CWF19L2: variants seen among roughly 807,000 people sequenced by gnomAD.
CWF19L2 encodes the protein CWF19 like cell cycle control factor 2, also known as CWF19-like protein 2.
In CWF19L2, 98 loss-of-function variants were observed where a neutral mutation model predicts 111.7. The observed-to-expected ratio is 0.88, with a 90% CI of 0.75 to 1.04. The LOEUF (loss-of-function observed/expected upper bound fraction) is 1.04, where lower values mean the gene tolerates loss of function less well. Among genes scored for constraint, CWF19L2 ranks in the 50% least tolerant of loss-of-function variants. The pLI, the probability that CWF19L2 is intolerant of heterozygous loss-of-function variation, is 0.00. For missense variants in CWF19L2, 1,101 were observed against 1,051.4 expected (o/e 1.05, Z -0.65); for synonymous variants, 351 against 342.9 (o/e 1.02, Z -0.26).
chr11:107,423,451 T>G (rs1861329688), intron 8 of CWF19L2, among the ~76,000 whole-genome samples: 1 of 151,968 alleles, frequency 6.6e-6, no homozygotes, highest in Admixed American at 6.6e-5. Flanking sequence ...CCCTATGAAG[T>G]CGCTTTCTCC....
chr11:107,329,712 T>G (rs1478671466), intron 17 of CWF19L2, among the ~76,000 whole-genome samples: 1 of 152,158 alleles, frequency 6.6e-6, no homozygotes, highest in Non-Finnish European at 1.5e-5. Context: ...CAAGAAATGT[T>G]TGGTTCCAAA....
intron 12 of CWF19L2, among the ~76,000 whole-genome samples, chr11:107,385,189 G>T (rs898882108): frequency 2.4e-4 from 37 of 151,868 alleles, no homozygotes; most frequent in African/African-American, 8.7e-4. Context: ...TAATTATCAG[G>T]CAGGATGAAC....
chr11:107,451,995 T>A (rs939477885), intron 3 of CWF19L2, among the ~76,000 whole-genome samples: 2 of 152,176 alleles, frequency 1.3e-5, no homozygotes, highest in Non-Finnish European at 2.9e-5. Context: ...AAAACCTGAA[T>A]GCTTTGCACC....
At chr11:107,361,282 C>T (rs1860330441) in intron 12 of CWF19L2, among the ~76,000 whole-genome samples, 1 of 152,170 alleles carries the variant, frequency 6.6e-6, no homozygotes, top group African/African-American at 2.4e-5. Flanking sequence ...GGCTTTATTT[C>T]AATATTTCCT....
intron 12 of CWF19L2, among the ~76,000 whole-genome samples, chr11:107,362,105 G>A (rs1477114320): frequency 6.6e-6 from 1 of 152,072 alleles, no homozygotes; most frequent in Non-Finnish European, 1.5e-5. Flanking sequence ...CAAATATTGC[G>A]CTTTTCAGAC....
At chr11:107,404,430 A>T (rs1309453290) in intron 10 of CWF19L2, 1 of 777,540 alleles carries the variant, frequency 1.3e-6, no homozygotes, top group Non-Finnish European at 2.4e-6. Context: ...GTACCAGAGG[A>T]TGCCATGAAC....
intron 10 of CWF19L2, among the ~76,000 whole-genome samples, chr11:107,411,513 C>A (rs899458673): frequency 1.3e-5 from 2 of 151,894 alleles, no homozygotes; most frequent in African/African-American, 4.8e-5. Flanking sequence ...ATAAGCTATA[C>A]AAAACTAATA....
chr11:107,422,296 A>T (rs1861313234), intron 8 of CWF19L2, among the ~76,000 whole-genome samples: 1 of 152,038 alleles, frequency 6.6e-6, no homozygotes, highest in Non-Finnish European at 1.5e-5. Flanking sequence ...TAACATTTTC[A>T]TACATGTGGG....
At chr11:107,393,536 G>A (rs1229567358) in intron 10 of CWF19L2, among the ~76,000 whole-genome samples, 1 of 152,094 alleles carries the variant, frequency 6.6e-6, no homozygotes, top group Non-Finnish European at 1.5e-5. Context: ...GAATATTAGA[G>A]AATGACAAAG....
At chr11:107,457,287 A>G (rs997629124) in intron 1 of CWF19L2, among the ~76,000 whole-genome samples, 2 of 152,214 alleles carry the variant, frequency 1.3e-5, no homozygotes, top group African/African-American at 4.8e-5. Flanking sequence ...GGAAATGTCA[A>G]ACTGAGTCTA....
intron 17 of CWF19L2, 61 bp downstream of exon 17, chr11:107,329,857 T>C: frequency 7.5e-7 from 1 of 1,338,100 alleles, no homozygotes; most frequent in Non-Finnish European, 1.0e-6. Context: ...TTTATTTCCT[T>C]TCAAAAGAAA....
At chr11:107,360,524 T>C (rs1860310906) in intron 12 of CWF19L2, among the ~76,000 whole-genome samples, 1 of 152,226 alleles carries the variant, frequency 6.6e-6, no homozygotes, top group African/African-American at 2.4e-5. Context: ...CTGAATCAAA[T>C]GATAGTTCTA....
chr11:107,385,929 C>T (rs141269975), intron 12 of CWF19L2, among the ~76,000 whole-genome samples: 1 of 152,066 alleles, frequency 6.6e-6, no homozygotes, highest in African/African-American at 2.4e-5. Context: ...CCTGAAACTG[C>T]GAGAGTAGCA....
intron 8 of CWF19L2, among the ~76,000 whole-genome samples, chr11:107,424,262 C>A (rs1861344017): frequency 6.6e-6 from 1 of 151,466 alleles, no homozygotes. Flanking sequence ...CTCACCCATA[C>A]TAACCTCAGG....
chr11:107,349,173 A>C (rs960835866), intron 13 of CWF19L2, 120 bp from the exon 14 acceptor site: 6 of 408,528 alleles, frequency 1.5e-5, no homozygotes, highest in Non-Finnish European at 2.7e-5. Context: ...AAAATGATGA[A>C]TATTTAATGA....
At chr11:107,389,115 A>G (rs1473317484) in intron 12 of CWF19L2, among the ~76,000 whole-genome samples, 1 of 152,244 alleles carries the variant, frequency 6.6e-6, no homozygotes, top group African/African-American at 2.4e-5. Context: ...TTAAAAGTTA[A>G]AAAATAAAAG....
At position 107,390,148 on chromosome 11, in the gene CWF19L2, T is replaced by C; in HGVS notation, c.1798A>G (p.Asn600Asp). ...YFHDDDNLSL[N>D]DLVKNEKMGT... Reference sequence around the variant, plus strand: ...ATCTTTTCATTTTTGACTAAATCATTTAGGCTTAGATTATCATCATCATGA... The same window carrying C: ...ATCTTTTCATTTTTGACTAAATCATCTAGGCTTAGATTATCATCATCATGA... The change falls in exon 12 of 18, where the codon AAT becomes GAT. Residue 600 changes from asparagine to aspartate, a missense_variant. Coordinates refer to ENST00000282251, the MANE Select transcript of CWF19L2 (RefSeq NM_152434.3). The C allele has an allele frequency of 6.2e-7, 1 of 1,612,280 alleles. No homozygotes were observed. Among genetic ancestry groups the C allele is most frequent in the Non-Finnish European group, 8.5e-7 (1 of 1,178,846 alleles).
Position 107,373,387 on chromosome 11 carries a change from G to A in CWF19L2, c.1872+16687C>T, listed in dbSNP as rs1286614327. On this transcript the variant is annotated intron_variant, in intron 12 of 17. Coordinates refer to ENST00000282251, the MANE Select transcript of CWF19L2 (RefSeq NM_152434.3). The stretch of plus-strand genomic sequence containing the variant: ...AATGCCCCTGTCTGACAGCTTTGAA[G>A]ACAGCAGTGGTTCTCCCAGCACGCA... Among the ~76,000 whole-genome samples the A allele has an allele frequency of 1.5e-5, 2 of 135,128 alleles. 1 individual carries two copies. The highest frequency in any genetic ancestry group is 3.1e-5 in the Non-Finnish European group (2 of 63,564). 88.6% of individuals were successfully genotyped at this position (135,128 alleles called of 152,430 possible). A position where few individuals can be genotyped will look rare whatever the true frequency, so the allele number is the denominator to read the frequency against.
chr11:107,346,245 T>C (rs1013403413), intron 14 of CWF19L2, among the ~76,000 whole-genome samples: 1 of 152,172 alleles, frequency 6.6e-6, no homozygotes, highest in Admixed American at 6.5e-5. Context: ...ATATAACATG[T>C]TTAAATATAA....
Sources: allele counts gnomAD v4.1 joint callset (sites outside exome capture counted in the v4.1 genomes callset), GRCh38; gene constraint gnomAD v4.1.1; transcripts MANE v1.5; gene names NCBI Gene and HGNC (gene_info 2026-07-23, HGNC 2026-07-21).